The following LRP1B variants were observed in gnomAD, a reference collection of about 807,000 sequenced individuals.
LRP1B encodes the protein LDL receptor related protein 1B, also known as low-density lipoprotein receptor-related protein 1B.
A neutral mutation model predicts 556.6 loss-of-function variants in LRP1B; 217 were observed. The observed-to-expected ratio is 0.39, with a 90% CI of 0.35 to 0.44. The LOEUF is 0.44. Among genes scored for constraint, LRP1B ranks in the 20% least tolerant of loss-of-function variants. LRP1B has a pLI of 1.00. For synonymous variants in LRP1B, 2,047 were observed against 1,865.8 expected, an observed-to-expected ratio of 1.10 and a Z score of -2.50; for missense variants, 5,053 against 5,620.8, an observed-to-expected ratio of 0.90 and a Z score of 3.23.
intron 2 of LRP1B, among the ~76,000 whole-genome samples, chr2:141,757,376 C>G (rs1355725936): frequency 6.6e-6 from 1 of 152,070 alleles, no homozygotes; most frequent in African/African-American, 2.4e-5. Flanking sequence ...CAATCTCAGG[C>G]CTCATCTCTT....
chr2:142,016,449 C>T (rs958985627), intron 1 of LRP1B, among the ~76,000 whole-genome samples: 7 of 152,186 alleles, frequency 4.6e-5, no homozygotes, highest in Admixed American at 2.0e-4. Flanking sequence ...CAATAATAGA[C>T]TGCATAAAGA....
intron 2 of LRP1B, among the ~76,000 whole-genome samples, chr2:141,695,107 C>T (rs1691687360): frequency 6.6e-6 from 1 of 151,858 alleles, no homozygotes; most frequent in South Asian, 2.1e-4. Context: ...TGCAGACTAT[C>T]CCTCTCTTTC....
At chr2:141,065,399 A>G (rs1437347659) in intron 7 of LRP1B, among the ~76,000 whole-genome samples, 1 of 151,988 alleles carries the variant, frequency 6.6e-6, no homozygotes, top group Non-Finnish European at 1.5e-5. Flanking sequence ...TTGACAGATA[A>G]TGTTCTTTAT....
intron 1 of LRP1B, among the ~76,000 whole-genome samples, chr2:141,866,961 G>T (rs910540538): frequency 3.9e-5 from 6 of 152,168 alleles, no homozygotes; most frequent in Non-Finnish European, 5.9e-5. Context: ...TGCCATGTCA[G>T]TATCTGTGGA....
At chr2:140,544,429 C>T (rs1384193109) in intron 43 of LRP1B, among the ~76,000 whole-genome samples, 4 of 151,952 alleles carry the variant, frequency 2.6e-5, no homozygotes, top group Non-Finnish European at 4.4e-5. Context: ...GATTTAGTAC[C>T]CACTGATTAT....
intron 7 of LRP1B, among the ~76,000 whole-genome samples, chr2:141,088,311 T>G: frequency 6.6e-6 from 1 of 152,192 alleles, no homozygotes; most frequent in Non-Finnish European, 1.5e-5. Context: ...GCCTATTTCT[T>G]TAATTACATC....
At chr2:141,228,517 T>C (rs1462383049) in intron 6 of LRP1B, among the ~76,000 whole-genome samples, 9 of 151,218 alleles carry the variant, frequency 6.0e-5, no homozygotes, top group Admixed American at 5.3e-4. Flanking sequence ...TGTACTCCCA[T>C]GTGGAAGCAG....
chr2:140,882,718 G>T (rs980021950), intron 25 of LRP1B, among the ~76,000 whole-genome samples: 1 of 152,180 alleles, frequency 6.6e-6, no homozygotes, highest in Admixed American at 6.6e-5. Flanking sequence ...CTGAGTCTTA[G>T]GCATAGACAA....
chr2:141,998,153 C>T (rs1702552287), intron 1 of LRP1B, among the ~76,000 whole-genome samples: 1 of 152,058 alleles, frequency 6.6e-6, no homozygotes, highest in African/African-American at 2.4e-5. Flanking sequence ...TGGGCTTCAC[C>T]TAGAGCTCAG....
At chr2:140,670,166 C>G (rs1033075712) in intron 41 of LRP1B, among the ~76,000 whole-genome samples, 1 of 152,032 alleles carries the variant, frequency 6.6e-6, no homozygotes. Flanking sequence ...GAAGACACTA[C>G]GCATCCAATT....
chr2:142,118,737 T>C (rs1707357666), intron 1 of LRP1B, among the ~76,000 whole-genome samples: 2 of 152,102 alleles, frequency 1.3e-5, no homozygotes, highest in Non-Finnish European at 2.9e-5. Flanking sequence ...TTTATTTACT[T>C]AGATTAATTT....
intron 1 of LRP1B, among the ~76,000 whole-genome samples, chr2:141,874,332 GA>G (rs1335222832): frequency 6.6e-6 from 1 of 151,680 alleles, no homozygotes; most frequent in African/African-American, 2.4e-5. Context: ...GTTATTGATG[GA>G]AAATATGGTC....
chr2:140,673,036 A>G (rs1240346095), intron 41 of LRP1B, among the ~76,000 whole-genome samples: 1 of 152,202 alleles, frequency 6.6e-6, no homozygotes, highest in Admixed American at 6.5e-5. Context: ...TTCTAATTTT[A>G]GTGTCATTTG....
At chr2:141,317,090 T>C (rs1297875876) in intron 3 of LRP1B, among the ~76,000 whole-genome samples, 1 of 152,216 alleles carries the variant, frequency 6.6e-6, no homozygotes, top group Admixed American at 6.5e-5. Context: ...ACAATCAATG[T>C]GTCTTGATTT....
chr2:141,915,940 C>A (rs1574489584), intron 1 of LRP1B, among the ~76,000 whole-genome samples: 1 of 152,118 alleles, frequency 6.6e-6, no homozygotes, highest in Non-Finnish European at 1.5e-5. Flanking sequence ...CAGATCCTGG[C>A]AAGGCTGTGG....
At chr2:141,406,591 T>A (rs930431888) in intron 3 of LRP1B, among the ~76,000 whole-genome samples, 4 of 142,654 alleles carry the variant, frequency 2.8e-5, no homozygotes, top group Non-Finnish European at 4.6e-5. Context: ...TCTATCTATC[T>A]ATCATCTATC....
intron 7 of LRP1B, among the ~76,000 whole-genome samples, chr2:141,113,627 G>C (rs934105116): frequency 6.6e-6 from 1 of 151,984 alleles, no homozygotes; most frequent in East Asian, 1.9e-4. Context: ...ACCAACACTG[G>C]TACCTCACCT....
intron 60 of LRP1B, among the ~76,000 whole-genome samples, chr2:140,463,383 T>A (rs185520854): frequency 1.3e-5 from 2 of 152,316 alleles, no homozygotes; most frequent in East Asian, 3.9e-4. Flanking sequence ...TATGTCTCCT[T>A]TGGTGTTACT....
chr2:140,403,214 A>G (rs956546860), intron 66 of LRP1B, among the ~76,000 whole-genome samples: 3 of 152,212 alleles, frequency 2.0e-5, no homozygotes, highest in African/African-American at 4.8e-5. Context: ...AATTCTGATA[A>G]CATGATAAAA....
Sources: allele counts gnomAD v4.1 joint callset (sites outside exome capture counted in the v4.1 genomes callset), GRCh38; gene constraint gnomAD v4.1.1; transcripts MANE v1.5; gene names NCBI Gene and HGNC (gene_info 2026-07-23, HGNC 2026-07-21).